F13B: variants seen among roughly 807,000 people sequenced by gnomAD.
F13B encodes coagulation factor XIII B chain, also known as TGase.
Under a neutral mutation model 79.8 loss-of-function variants are expected in F13B, and 58 were observed. That is an observed-to-expected ratio of 0.73 (90% CI 0.59 to 0.90). The LOEUF (loss-of-function observed/expected upper bound fraction) is 0.90. Ranked by LOEUF, F13B falls within the 40% of genes least tolerant of loss-of-function variation. The probability of loss-of-function intolerance (pLI) is 0.00; values close to 1 mark genes in which losing one functional copy is unlikely to be tolerated. For synonymous variants in F13B, 283 were observed against 260.3 expected (o/e 1.09, Z -0.84); for missense variants, 773 against 777.0 (o/e 0.99, Z 0.06).
intron 7 of F13B, among the ~76,000 whole-genome samples, chr1:197,056,445 T>C (rs898109894): frequency 2.6e-5 from 4 of 152,142 alleles, no homozygotes; most frequent in South Asian, 2.1e-4. Context: ...ATGAGATAGA[T>C]GACAGGAAGA....
chr1:197,055,698 TG>T lies in F13B; in HGVS notation c.1354+16del, dbSNP rs758762048. 3 of 1,611,640 alleles carry T rather than the reference TG, an allele frequency of 1.9e-6. No homozygotes were observed. The highest frequency in any genetic ancestry group is 2.5e-6 in the Non-Finnish European group (3 of 1,177,986). On this transcript the variant is annotated intron_variant, in intron 8 of 11. Coordinates refer to ENST00000367412, the MANE Select transcript of F13B (RefSeq NM_001994.3). ...TAAAAGTACAAACGTAGACATTCCA[TG>T]TGTTCTCTTTCTTACCCAAGCAAAC...
chr1:197,046,692 C>T (rs1432136614), intron 10 of F13B, among the ~76,000 whole-genome samples: 10 of 152,134 alleles, frequency 6.6e-5, no homozygotes, highest in Admixed American at 6.6e-4. Flanking sequence ...AAAAAAGAGC[C>T]CGCATTGCCA....
In F13B at chr1:197,039,309, C is replaced by A; in HGVS notation, c.*69G>T. On this transcript the variant is annotated 3_prime_UTR_variant, in exon 12 of 12. Transcript: ENST00000367412. ...AACTCCGAAGTTTTTAACTTATTTC[C>A]TCAAAATTATATTTTATAAGGAATT... The A allele has an allele frequency of 7.3e-7, 1 of 1,361,352 alleles. No individual in the cohort carries two copies. Among genetic ancestry groups the A allele is most frequent in the South Asian group, 1.3e-5 (1 of 79,510 alleles). The allele number at this position is 1,361,352 out of a possible 1,614,324, so 84.3% of individuals were successfully genotyped here. A position where few individuals can be genotyped will look rare whatever the true frequency, so the allele number is the denominator to read the frequency against.
rs1331312940 is a variant in F13B, at chr1:197,055,724, C to T, written c.1345G>A (p.Val449Ile). The change falls in exon 8 of 12, where the codon GTT becomes ATT. Residue 449 changes from valine to isoleucine, a missense_variant. Coordinates refer to ENST00000367412, the MANE Select transcript of F13B (RefSeq NM_001994.3). Reference sequence around the variant, plus strand: ...GTGTTCTCTTTCTTACCCAAGCAAACAGGTGGGGATGACCATTTTCCTTGT... The same window carrying T: ...GTGTTCTCTTTCTTACCCAAGCAAATAGGTGGGGATGACCATTTTCCTTGT... Reference protein sequence around the residue: ...CEQGKWSSPPVCLEPCTVNVD... With the variant: ...CEQGKWSSPPICLEPCTVNVD... The T allele has an allele frequency of 6.2e-7, 1 of 1,613,324 alleles. No homozygotes were observed. The highest frequency in any genetic ancestry group is 8.5e-7 in the Non-Finnish European group (1 of 1,179,576).
chr1:197,057,309 C>T lies in F13B; in HGVS notation c.962G>A (p.Trp321Ter). 1 of 1,613,920 alleles carries T rather than the reference C, an allele frequency of 6.2e-7. No individual in the cohort carries two copies. Among genetic ancestry groups the T allele is most frequent in the Non-Finnish European group, 8.5e-7 (1 of 1,179,914 alleles). The change falls in exon 6 of 12, where the codon TGG becomes TAG. Residue 321 changes from tryptophan to a stop codon, truncating the protein, a stop_gained. Transcript: ENST00000367412. LOFTEE classifies it high-confidence loss of function. Reference protein sequence around the residue: ...SAEIRCEDGKWTEPPKCIEGQ... With the variant: ...SAEIRCEDGK ...ACCAATGCATTTTGGAGGTTCTGTC[C>T]ATTTTCCATCTTCACAACGTATTTC...
intron 10 of F13B, among the ~76,000 whole-genome samples, chr1:197,043,168 C>G (rs897920213): frequency 5.3e-5 from 8 of 152,186 alleles, no homozygotes; most frequent in African/African-American, 1.4e-4. Context: ...TTGGCAGTCT[C>G]CCAGTAATAT....
At chr1:197,040,899 A>G (rs1655015625) in intron 10 of F13B, among the ~76,000 whole-genome samples, 164 bp from the exon 11 acceptor site, 1 of 151,988 alleles carries the variant, frequency 6.6e-6, no homozygotes, top group Admixed American at 6.6e-5. Context: ...GAGTCAGAAA[A>G]TATGTTCAAA....
rs191128660 is a variant in F13B, at chr1:197,053,392, C to T, written c.1355-558G>A. Among the ~76,000 whole-genome samples the T allele has an allele frequency of 1.6e-3, 242 of 152,148 alleles. 2 individuals carry two copies. The highest frequency in any genetic ancestry group is 5.6e-3 in the African/African-American group (231 of 41,524). On this transcript the variant is annotated intron_variant, in intron 8 of 11. Coordinates refer to ENST00000367412, the MANE Select transcript of F13B (RefSeq NM_001994.3). ...ATTGAATCCTGGGGTGGGTCTTTCC[C>T]ATGCTGTTCTCATTACAGTGAATAA...
rs757027738 is a variant in F13B at position 197,055,758 on chromosome 1, A to C, written c.1311T>G (p.Ser437=). 3 of 1,613,590 alleles carry C rather than the reference A, an allele frequency of 1.9e-6. No individual in the cohort carries two copies. Among genetic ancestry groups the C allele is most frequent in the South Asian group, 1.1e-5 (1 of 91,064 alleles). The stretch of plus-strand genomic sequence containing the variant: ...ATGACCATTTTCCTTGTTCGCAACG[A>C]GATATTTTTGATCCCCTCAGTAAGT... ...EYYLLRGSKI[S]RCEQGKWSSP... Residue 437 remains serine (S), a synonymous_variant, in exon 8 of 12, where the codon TCT becomes TCG. Transcript: ENST00000367412.
chr1:197,060,256 T>A (rs1408502795), intron 5 of F13B, 110 bp downstream of exon 5: 2 of 710,860 alleles, frequency 2.8e-6, no homozygotes, highest in Non-Finnish European at 4.8e-6. Flanking sequence ...ATTTTAAAAA[T>A]AGGACTCAGG....
chr1:197,060,686 T>C lies in F13B; in HGVS notation c.629-144A>G, dbSNP rs1316798256. 5.4e-6 allele frequency: 4 copies of C among 734,412 alleles called. No homozygotes were observed. The Admixed American group carries it at 8.7e-5, about 16-fold the overall frequency. The allele number at this position is 734,412 out of a possible 1,614,324, so 45.5% of individuals were successfully genotyped here. The stretch of plus-strand genomic sequence containing the variant: ...ATTCATTTTATATATTTGTTAAATA[T>C]CATTAGGCTTATTCTAATTTAATTC... On this transcript the variant is annotated intron_variant, in intron 4 of 11. Transcript: ENST00000367412.
At chr1:197,054,770 C>G (rs931119845) in intron 8 of F13B, among the ~76,000 whole-genome samples, 10 of 151,786 alleles carry the variant, frequency 6.6e-5, no homozygotes, top group African/African-American at 1.9e-4. Context: ...TCAAAGTTAA[C>G]AAAGATTAGG....
At chr1:197,040,255 G>T in intron 11 of F13B, 1 of 401,674 alleles carries the variant, frequency 2.5e-6, no homozygotes, top group Non-Finnish European at 4.5e-6. Flanking sequence ...AATATTGCAC[G>T]TATAAATTGG....
At chr1:197,052,911 A>G in intron 8 of F13B, 77 bp from the exon 9 acceptor site, 1 of 1,151,222 alleles carries the variant, frequency 8.7e-7, no homozygotes, top group South Asian at 1.4e-5. Flanking sequence ...AACAAAAATT[A>G]TGACAAGTTT....
intron 1 of F13B, among the ~76,000 whole-genome samples, chr1:197,063,749 T>C (rs940983864): frequency 1.8e-4 from 28 of 152,204 alleles, no homozygotes; most frequent in Non-Finnish European, 5.9e-5. Flanking sequence ...TAACCCAATA[T>C]ATTGAAAATA....
At chr1:197,062,809 A>G (rs1655910939) in intron 2 of F13B, 48 bp downstream of exon 2, 1 of 1,583,780 alleles carries the variant, frequency 6.3e-7, no homozygotes, top group Non-Finnish European at 8.7e-7. Context: ...TTTATATACA[A>G]ATTTCTTTGA....
At chr1:197,064,836 T>G (rs1040283434) in intron 1 of F13B, among the ~76,000 whole-genome samples, 2 of 152,114 alleles carry the variant, frequency 1.3e-5, no homozygotes, top group African/African-American at 4.8e-5. Flanking sequence ...GGAGCTGTGG[T>G]GGGAAGAAAC....
At chr1:197,058,207 C>A (rs1445235509) in intron 5 of F13B, among the ~76,000 whole-genome samples, 2 of 152,154 alleles carry the variant, frequency 1.3e-5, no homozygotes, top group African/African-American at 4.8e-5. Context: ...ACTATTATTT[C>A]TCCCATGTTA....
intron 10 of F13B, among the ~76,000 whole-genome samples, chr1:197,041,924 G>A (rs1243548970): frequency 6.6e-6 from 1 of 152,074 alleles, no homozygotes; most frequent in Non-Finnish European, 1.5e-5. Flanking sequence ...TTCTTTTTAA[G>A]TTAAGAATTT....
Sources: gnomAD v4.1 joint callset for allele counts (sites outside exome capture counted in the v4.1 genomes callset) on GRCh38, gnomAD v4.1.1 for gene constraint, MANE v1.5 for transcripts, NCBI Gene and HGNC (gene_info 2026-07-23, HGNC 2026-07-21) for gene names.